The following KANK1 variants were observed in gnomAD, a reference collection of about 807,000 sequenced individuals.
KANK1 encodes KN motif and ankyrin repeat domain-containing protein 1.
A neutral mutation model predicts 106.2 loss-of-function variants in KANK1; 109 were observed. The observed-to-expected ratio is 1.03, with a 90% CI of 0.88 to 1.20. KANK1 has a LOEUF of 1.20. Ranked by LOEUF, KANK1 falls within the 50% of genes most tolerant of loss-of-function variation. KANK1 has a pLI of 0.00. For synonymous variants in KANK1, 873 were observed against 652.2 expected, an observed-to-expected ratio of 1.34 and a Z score of -5.16; for missense variants, 2,399 against 1,710.7, an observed-to-expected ratio of 1.40 and a Z score of -7.10.
At chr9:653,117 T>G (rs1374329298) in intron 1 of KANK1, among the ~76,000 whole-genome samples, 1 of 152,168 alleles carries the variant, frequency 6.6e-6, no homozygotes, top group Non-Finnish European at 1.5e-5. Flanking sequence ...AAGGAAGCCT[T>G]GTGTTCCCTT....
At chr9:594,191 A>G (rs1347686836) in intron 1 of KANK1, among the ~76,000 whole-genome samples, 2 of 151,876 alleles carry the variant, frequency 1.3e-5, no homozygotes, top group Non-Finnish European at 2.9e-5. Flanking sequence ...GGGACAATTT[A>G]TGGCAATAGG....
intron 8 of KANK1, among the ~76,000 whole-genome samples, chr9:739,812 A>G (rs1399650820): frequency 6.6e-6 from 1 of 152,058 alleles, no homozygotes; most frequent in Admixed American, 6.6e-5. Context: ...TGGCTCCATA[A>G]GGTGTAGATC....
intron 2 of KANK1, among the ~76,000 whole-genome samples, chr9:682,034 C>T (rs7870395): frequency 1.3e-5 from 2 of 152,032 alleles, no homozygotes; most frequent in Non-Finnish European, 2.9e-5. Flanking sequence ...AATTCCAGCA[C>T]TTTGGGAGGC....
intron 3 of KANK1, among the ~76,000 whole-genome samples, chr9:481,295 C>CAA (rs145031920): frequency 9.8e-4 from 147 of 150,578 alleles, no homozygotes; most frequent in East Asian, 2.7e-3. Context: ...CAAAACAAAA[C>CAA]AAAAAAAAAC....
chr9:623,907 G>A (rs1833767830), intron 1 of KANK1, among the ~76,000 whole-genome samples: 1 of 152,076 alleles, frequency 6.6e-6, no homozygotes, highest in Non-Finnish European at 1.5e-5. Flanking sequence ...AAATTAGTAT[G>A]TCAAAGAGAT....
chr9:525,350 C>T lies in KANK1; in HGVS notation c.-84+20596C>T, dbSNP rs974892157. 1.5e-4 allele frequency among the ~76,000 whole-genome samples: 21 copies of T among 140,462 alleles called. 1 individual carries two copies. Among genetic ancestry groups the T allele is most frequent in the African/African-American group, 4.4e-4 (16 of 36,190 alleles). 92.1% of individuals were successfully genotyped at this position (140,462 alleles called of 152,430 possible). A position where few individuals can be genotyped will look rare whatever the true frequency, so the allele number is the denominator to read the frequency against. On this transcript the variant is annotated intron_variant, in intron 1 of 11. Coordinates refer to ENST00000382297, the MANE Select transcript of KANK1 (RefSeq NM_015158.5). The stretch of plus-strand genomic sequence containing the variant: ...ATTTCTGACAGAATATGTATACATA[C>T]GTGTGTGTGTGTGTGTGTGTGTGTG...
chr9:656,474 G>A (rs1012455882), intron 1 of KANK1, among the ~76,000 whole-genome samples: 1 of 152,088 alleles, frequency 6.6e-6, no homozygotes, highest in Non-Finnish European at 1.5e-5. Flanking sequence ...CTGACCAGGG[G>A]ACAAGGCTCT....
intron 1 of KANK1, among the ~76,000 whole-genome samples, chr9:557,026 A>T (rs1385690362): frequency 6.6e-6 from 1 of 152,092 alleles, no homozygotes; most frequent in African/African-American, 2.4e-5. Flanking sequence ...TACTCTAAAA[A>T]CAAATTTCTG....
At chr9:507,642 C>T (rs560442915) in intron 1 of KANK1, among the ~76,000 whole-genome samples, 46 of 151,134 alleles carry the variant, frequency 3.0e-4, no homozygotes, top group Non-Finnish European at 5.6e-4. Flanking sequence ...CTGCAACCTC[C>T]GCCTCCTGGG....
At chr9:503,283 T>C (rs532067335), upstream of KANK1, among the ~76,000 whole-genome samples, 10 of 152,128 alleles carry the variant, frequency 6.6e-5, no homozygotes, top group African/African-American at 2.4e-4. Context: ...ATCTACTGCA[T>C]CCAAATGCCC....
intron 1 of KANK1, among the ~76,000 whole-genome samples, chr9:523,624 C>G (rs1450646351): frequency 6.6e-6 from 1 of 151,746 alleles, no homozygotes; most frequent in Admixed American, 6.6e-5. Flanking sequence ...TCGCCCCCAC[C>G]TCTGCTCTTC....
intron 3 of KANK1, among the ~76,000 whole-genome samples, chr9:714,719 A>G (rs1827222062): frequency 6.6e-6 from 1 of 151,868 alleles, no homozygotes; most frequent in East Asian, 1.9e-4. Flanking sequence ...ATTCCTGCTC[A>G]CTCTTCCTTC....
chr9:597,652 C>CT (rs775560498), intron 1 of KANK1, among the ~76,000 whole-genome samples: 4 of 150,242 alleles, frequency 2.7e-5, no homozygotes, highest in African/African-American at 4.9e-5. Flanking sequence ...TTAAGGTTTT[C>CT]TTTTTTTTTA....
intron 1 of KANK1, among the ~76,000 whole-genome samples, chr9:552,199 C>T (rs887152301): frequency 6.6e-6 from 1 of 152,092 alleles, no homozygotes; most frequent in Non-Finnish European, 1.5e-5. Context: ...GGGGGAAAAG[C>T]GGAAATAGCA....
intron 8 of KANK1, among the ~76,000 whole-genome samples, chr9:739,128 T>G (rs1834632051): frequency 6.6e-6 from 1 of 152,178 alleles, no homozygotes; most frequent in Non-Finnish European, 1.5e-5. Flanking sequence ...CCAGTGGACA[T>G]CTTAGACATG....
chr9:718,835 A>G (rs10976038), intron 3 of KANK1, among the ~76,000 whole-genome samples: 106,550 of 151,912 alleles, frequency 0.7, 37,601 homozygotes, highest in East Asian at 0.79. Context: ...TCAAAGCTAC[A>G]TGCTTTTCCT....
At chr9:568,298 C>T (rs893622099) in intron 1 of KANK1, among the ~76,000 whole-genome samples, 11 of 152,098 alleles carry the variant, frequency 7.2e-5, no homozygotes, top group African/African-American at 2.7e-4. Context: ...AACATCATAC[C>T]CAGTTTTCAA....
intron 3 of KANK1, among the ~76,000 whole-genome samples, chr9:482,910 G>T (rs936931230): frequency 5.3e-5 from 8 of 152,150 alleles, no homozygotes; most frequent in African/African-American, 1.9e-4. Context: ...TAGCCATCCT[G>T]CTCTGCCTGC....
At chr9:637,792 T>C (rs1837496107) in intron 1 of KANK1, among the ~76,000 whole-genome samples, 1 of 152,216 alleles carries the variant, frequency 6.6e-6, no homozygotes, top group African/African-American at 2.4e-5. Context: ...AGACTACCAA[T>C]GTCATATATT....
Sources: gnomAD v4.1 joint callset for allele counts (sites outside exome capture counted in the v4.1 genomes callset) on GRCh38, gnomAD v4.1.1 for gene constraint, MANE v1.5 for transcripts, NCBI Gene and HGNC (gene_info 2026-07-23, HGNC 2026-07-21) for gene names.